The following GALNT6 variants were observed in gnomAD, a reference collection of about 807,000 sequenced individuals.
GALNT6 encodes the protein polypeptide N-acetylgalactosaminyltransferase 6.
Under a neutral mutation model 65.9 loss-of-function variants are expected in GALNT6, and 51 were observed. That is an observed-to-expected ratio of 0.77 (90% CI 0.62 to 0.98). The LOEUF is 0.98. Ranked by LOEUF, GALNT6 falls within the 50% of genes least tolerant of loss-of-function variation. The pLI, the probability that GALNT6 is intolerant of heterozygous loss-of-function variation, is 0.00. For missense variants in GALNT6, 708 were observed against 803.3 expected, an observed-to-expected ratio of 0.88 and a Z score of 1.43; for synonymous variants, 323 against 315.1, an observed-to-expected ratio of 1.02 and a Z score of -0.26.
intron 2 of GALNT6, among the ~76,000 whole-genome samples, chr12:51,386,801 C>T (rs78159604): frequency 0.033 from 5,004 of 152,266 alleles, 119 homozygotes; most frequent in Non-Finnish European, 0.047. Flanking sequence ...CTTTCTTCCT[C>T]ATAAGCACTT....
intron 2 of GALNT6, among the ~76,000 whole-genome samples, chr12:51,388,768 A>T (rs1592366399): frequency 6.6e-6 from 1 of 152,104 alleles, no homozygotes; most frequent in Admixed American, 6.5e-5. Flanking sequence ...TGACCAATCT[A>T]CCTGGCCTTC....
chr12:51,388,080 C>A (rs1304404831), intron 2 of GALNT6, among the ~76,000 whole-genome samples: 2 of 152,158 alleles, frequency 1.3e-5, no homozygotes, highest in South Asian at 2.1e-4. Context: ...ACAAGCCAGC[C>A]CCTGTCCCAC....
intron 11 of GALNT6, among the ~76,000 whole-genome samples, chr12:51,354,759 A>G (rs1946696833): frequency 6.6e-6 from 1 of 152,166 alleles, no homozygotes; most frequent in East Asian, 1.9e-4. Context: ...AAATGCTTTC[A>G]GGGCCTCCCG....
At chr12:51,391,164 T>C (rs1948078523) in intron 1 of GALNT6, 123 bp downstream of exon 1, 1 of 152,054 alleles carries the variant, frequency 6.6e-6, no homozygotes, top group Admixed American at 6.6e-5. Context: ...TCTGCAAGAG[T>C]TGCCGTACCA....
chr12:51,358,699 C>A (rs1359672230), intron 8 of GALNT6, among the ~76,000 whole-genome samples: 1 of 152,126 alleles, frequency 6.6e-6, no homozygotes, highest in Admixed American at 6.5e-5. Context: ...CCACTCAGGA[C>A]CTGTTAAAGA....
Position 51,379,598 on chromosome 12 carries a change from T to G in GALNT6, c.184A>C (p.Asn62His). The G allele has an allele frequency of 6.2e-7, 1 of 1,614,078 alleles. No individual in the cohort carries two copies. Among genetic ancestry groups the G allele is most frequent in the East Asian group, 2.2e-5 (1 of 44,876 alleles). Residue 62 changes from asparagine (N) to histidine (H), a missense_variant, in exon 3 of 12, where the codon AAC (asparagine) becomes CAC (histidine). Coordinates refer to ENST00000356317, the MANE Select transcript of GALNT6 (RefSeq NM_007210.4). ...TTGGGCATTGAATCTCTAAGGTTGT[T>G]CATGGCCTCCAGCATGAGGTCCAGG... ...HVLDLMLEAM[N>H]NLRDSMPKLQ... is the part of the protein sequence containing the mutation.
intron 2 of GALNT6, among the ~76,000 whole-genome samples, chr12:51,389,965 C>T (rs1947981300): frequency 6.6e-6 from 1 of 152,138 alleles, no homozygotes. Context: ...CTCCTGCACA[C>T]TTCCCTCTTT....
At chr12:51,365,939 A>T (rs1947087594) in intron 4 of GALNT6, among the ~76,000 whole-genome samples, 1 of 152,090 alleles carries the variant, frequency 6.6e-6, no homozygotes, top group Non-Finnish European at 1.5e-5. Flanking sequence ...TGTTGTTGAG[A>T]TGGAGTCTCA....
In GALNT6 at chr12:51,364,297, T is replaced by C; in HGVS notation, c.873A>G (p.Thr291=). The C allele has an allele frequency of 1.9e-6, 3 of 1,614,198 alleles. No homozygotes were observed. The highest frequency in any genetic ancestry group is 2.2e-5 in the East Asian group (1 of 44,886). Residue 291 remains threonine, a synonymous_variant, in exon 6 of 12, where the codon ACA becomes ACG. Transcript: ENST00000356317. ...PLLARIAEDK[T]VVVSPDIVTI... ...TGACGATGTCTGGGCTCACCACCACTGTCTTGTCCTCAGCGATTCGAGCCA... is the reference window on the plus strand; with the variant it reads ...TGACGATGTCTGGGCTCACCACCACCGTCTTGTCCTCAGCGATTCGAGCCA...
At chr12:51,376,854 G>A (rs915208932) in intron 4 of GALNT6, among the ~76,000 whole-genome samples, 7 of 152,142 alleles carry the variant, frequency 4.6e-5, no homozygotes, top group African/African-American at 1.7e-4. Context: ...GTCTTCAAGA[G>A]CAGAAGAGTG....
chr12:51,377,381 A>C lies in GALNT6; in HGVS notation c.492-14T>G, dbSNP rs763980451. 2 of 1,611,552 alleles carry C rather than the reference A, an allele frequency of 1.2e-6. No individual in the cohort carries two copies. The highest frequency in any genetic ancestry group is 3.3e-5 in the Admixed American group (2 of 59,966). ...TGGTCCACACACCTGGAAGTATGAA[A>C]GTACGGACAAAGTTCTCCTGGTCCC... On this transcript the variant is annotated splice_polypyrimidine_tract_variant and intron_variant, in intron 3 of 11. Coordinates refer to ENST00000356317, the MANE Select transcript of GALNT6 (RefSeq NM_007210.4).
chr12:51,388,537 T>G (rs1947911494), intron 2 of GALNT6, among the ~76,000 whole-genome samples: 1 of 152,244 alleles, frequency 6.6e-6, no homozygotes, highest in South Asian at 2.1e-4. Flanking sequence ...TCAAGAAGGC[T>G]TCCTAGACTA....
chr12:51,355,853 C>CAGTGAAGTG lies in GALNT6; in HGVS notation c.1699_1707dup (p.His567_Thr569dup), dbSNP rs1164094600. On this transcript the variant is annotated inframe_insertion, in exon 11 of 12. Coordinates refer to ENST00000356317, the MANE Select transcript of GALNT6 (RefSeq NM_007210.4). The stretch of plus-strand genomic sequence containing the variant: ...TCCTTGGGGACCTGGCTATTCTTGC[C>CAGTGAAGTG]AGTGAAGTGACAGCTCCCAAGGCCC... 1 of 1,613,968 alleles carries CAGTGAAGTG rather than the reference C, an allele frequency of 6.2e-7. No individual in the cohort carries two copies. The highest frequency in any genetic ancestry group is 1.7e-5 in the Admixed American group (1 of 60,018).
Position 51,355,917 on chromosome 12 carries a change from G to A in GALNT6, c.1644C>T (p.Ile548=), listed in dbSNP as rs555910790. The A allele has an allele frequency of 9.3e-6, 15 of 1,613,648 alleles. No homozygotes were observed. Among genetic ancestry groups the A allele is most frequent in the Middle Eastern group, 1.7e-4 (1 of 6,060 alleles). ...YTTQRDLRHN[I]AKQLCLHVSK... Reference sequence around the variant, plus strand: ...TGACATGTAGACACAGCTGCTTTGCGATGTTGTGGCGAAGGTCCCTCTGAG... The same window carrying A: ...TGACATGTAGACACAGCTGCTTTGCAATGTTGTGGCGAAGGTCCCTCTGAG... The change falls in exon 11 of 12, where the codon ATC becomes ATT. Residue 548 remains isoleucine, a synonymous_variant. Coordinates refer to ENST00000356317, the MANE Select transcript of GALNT6 (RefSeq NM_007210.4).
At chr12:51,369,846 C>G (rs983012786) in intron 4 of GALNT6, among the ~76,000 whole-genome samples, 4 of 152,116 alleles carry the variant, frequency 2.6e-5, no homozygotes, top group Non-Finnish European at 5.9e-5. Context: ...TCTCTCATCC[C>G]CACAGTCACT....
rs755212182 is a variant in GALNT6 at position 51,379,309 on chromosome 12, G to T, written c.473C>A (p.Pro158Gln). ...TACTTACTCAGGTGGTCGGGTGTCT[G>T]GCCCCAGGGACCTCTGCAGGGAGAT... ...DRISLQRSLG[P>Q]DTRPPECVDQ... Residue 158 changes from proline to glutamine, a missense_variant, in exon 3 of 12, where the codon CCA becomes CAA. Physicochemically the swap from Pro to Gln is moderately conservative, Grantham distance 76. Transcript: ENST00000356317. 3 of 1,523,090 alleles carry T rather than the reference G, an allele frequency of 2.0e-6. No individual in the cohort carries two copies. In the Admixed American group the frequency reaches 6.7e-5, roughly 34 times the overall value. The allele number at this position is 1,523,090 out of a possible 1,614,324, so 94.3% of individuals were successfully genotyped here.
In GALNT6 at chr12:51,379,424, A is replaced by T. The variant is rs1422911146; in HGVS notation, c.358T>A (p.Phe120Ile). 1 of 1,611,072 alleles carries T rather than the reference A, an allele frequency of 6.2e-7. No homozygotes were observed. Among genetic ancestry groups the T allele is most frequent in the Non-Finnish European group, 8.5e-7 (1 of 1,178,558 alleles). ...AGGGGGGTCCACTTGCTCTTCTGAAATGCTTTTCCATCTGCCCCAGGGGCA... is the reference window on the plus strand; with the variant it reads ...AGGGGGGTCCACTTGCTCTTCTGAATTGCTTTTCCATCTGCCCCAGGGGCA... ...PNAPGADGKA[F>I]QKSKWTPLET... Residue 120 changes from phenylalanine (F) to isoleucine (I), a missense_variant, in exon 3 of 12, where the codon TTT (phenylalanine) becomes ATT (isoleucine). Coordinates refer to ENST00000356317, the MANE Select transcript of GALNT6 (RefSeq NM_007210.4).
At chr12:51,378,892 C>G (rs559370260) in intron 3 of GALNT6, among the ~76,000 whole-genome samples, 1 of 146,634 alleles carries the variant, frequency 6.8e-6, no homozygotes, top group East Asian at 2.3e-4. Flanking sequence ...ACCCCCCCCC[C>G]AAACAGCTCA....
intron 2 of GALNT6, among the ~76,000 whole-genome samples, chr12:51,384,734 A>G (rs1450074910): frequency 1.3e-5 from 2 of 150,126 alleles, no homozygotes; most frequent in African/African-American, 2.4e-5. Flanking sequence ...AAAAGAGACC[A>G]GTTAGCTGGG....
Sources: allele counts gnomAD v4.1 joint callset (sites outside exome capture counted in the v4.1 genomes callset), GRCh38; gene constraint gnomAD v4.1.1; transcripts MANE v1.5; gene names NCBI Gene and HGNC (gene_info 2026-07-23, HGNC 2026-07-21).